FAT3: variants seen among roughly 807,000 people sequenced by gnomAD.
FAT3 encodes FAT atypical cadherin 3.
A neutral mutation model predicts 310.2 loss-of-function variants in FAT3; 95 were observed. The ratio of observed to expected loss-of-function variants is 0.31; its 90% CI spans 0.26 to 0.36. The LOEUF (loss-of-function observed/expected upper bound fraction) is 0.36. Ranked by LOEUF, FAT3 falls within the 10% of genes least tolerant of loss-of-function variation. The pLI, the probability that FAT3 is intolerant of heterozygous loss-of-function variation, is 1.00. For synonymous variants in FAT3, 2,314 were observed against 2,192.9 expected, an observed-to-expected ratio of 1.06 and a Z score of -1.54; for missense variants, 5,408 against 5,715.6, an observed-to-expected ratio of 0.95 and a Z score of 1.74.
At chr11:92,451,819 C>G (rs1017513308) in intron 2 of FAT3, among the ~76,000 whole-genome samples, 1 of 152,038 alleles carries the variant, frequency 6.6e-6, no homozygotes, top group African/African-American at 2.4e-5. Context: ...GCAGTAAAAC[C>G]AATTTTTAGA....
intron 2 of FAT3, among the ~76,000 whole-genome samples, chr11:92,434,731 G>C (rs1950887069): frequency 1.3e-5 from 2 of 152,166 alleles, no homozygotes; most frequent in Admixed American, 1.3e-4. Flanking sequence ...TCACAGAGTT[G>C]TTTGAGGATT....
rs764089667 is a variant in FAT3 at position 92,799,290 on chromosome 11, G to A, written c.6277G>A (p.Val2093Ile). ...VFVGLPYYAAVQVDAEPGTLI... is the reference protein window; with the variant it reads ...VFVGLPYYAAIQVDAEPGTLI... Reference sequence around the variant, plus strand: ...TGTGGGCCTCCCATACTATGCTGCTGTTCAAGTGGATGCGGAACCCGGGAC... The same window carrying A: ...TGTGGGCCTCCCATACTATGCTGCTATTCAAGTGGATGCGGAACCCGGGAC... The change falls in exon 10 of 28, where the codon GTT becomes ATT. Residue 2093 changes from valine to isoleucine, a missense_variant. Transcript: ENST00000525166. 3 of 1,613,942 alleles carry A rather than the reference G, an allele frequency of 1.9e-6. No individual in the cohort carries two copies. In the South Asian group the frequency reaches 3.3e-5, roughly 18 times the overall value.
chr11:92,231,959 T>C (rs1319801435), intron 1 of FAT3, among the ~76,000 whole-genome samples: 3 of 152,208 alleles, frequency 2.0e-5, no homozygotes, highest in Admixed American at 2.0e-4. Flanking sequence ...TTTAAGTCTA[T>C]GTGATCAATA....
chr11:92,856,406 T>G (rs553418083), intron 19 of FAT3, among the ~76,000 whole-genome samples: 35 of 152,336 alleles, frequency 2.3e-4, no homozygotes, highest in African/African-American at 8.4e-4. Flanking sequence ...ACATGTGAAA[T>G]ACTCAGGACC....
chr11:92,229,134 T>C (rs1290440577), intron 1 of FAT3, among the ~76,000 whole-genome samples: 1 of 152,216 alleles, frequency 6.6e-6, no homozygotes, highest in African/African-American at 2.4e-5. Flanking sequence ...TCTACAGATA[T>C]GCATGGTCTT....
At chr11:92,455,085 A>G (rs950046119) in intron 2 of FAT3, among the ~76,000 whole-genome samples, 7 of 152,170 alleles carry the variant, frequency 4.6e-5, no homozygotes, top group Non-Finnish European at 8.8e-5. Context: ...AGATTGAGAA[A>G]TCAGGATAGT....
At chr11:92,677,068 T>G (rs1442468810) in intron 3 of FAT3, among the ~76,000 whole-genome samples, 1 of 152,222 alleles carries the variant, frequency 6.6e-6, no homozygotes, top group Non-Finnish European at 1.5e-5. Flanking sequence ...GTTATTATTA[T>G]CCCTGTTACA....
intron 1 of FAT3, among the ~76,000 whole-genome samples, chr11:92,328,664 C>T (rs937774632): frequency 2.0e-5 from 3 of 152,176 alleles, no homozygotes; most frequent in Admixed American, 6.5e-5. Flanking sequence ...ACGTGACAGC[C>T]GTGTGTATAG....
rs562973858 is a variant in FAT3 at position 92,787,893 on chromosome 11, T to TA, written c.4336-2048dup. The stretch of plus-strand genomic sequence containing the variant: ...GAAAAAGGAGATACCAATGTAAAAA[T>TA]AATGAGATTAAGTAAAAACCTTGAT... On this transcript the variant is annotated intron_variant, in intron 7 of 27. Coordinates refer to ENST00000525166, the MANE Select transcript of FAT3 (RefSeq NM_001367949.2). Among the ~76,000 whole-genome samples the TA allele has an allele frequency of 2.3e-3, 349 of 152,096 alleles. 1 individual carries two copies. The highest frequency in any genetic ancestry group is 8.2e-3 in the African/African-American group (339 of 41,538).
chr11:92,762,312 G>C (rs1056723564), intron 5 of FAT3, 142 bp downstream of exon 5: 1 of 773,712 alleles, frequency 1.3e-6, no homozygotes, highest in Admixed American at 2.9e-5. Flanking sequence ...TGGGAGGCAA[G>C]TGCAGGTGAG....
Position 92,801,472 on chromosome 11 carries a change from A to G in FAT3, c.8459A>G (p.Asp2820Gly). 1 of 1,613,646 alleles carries G rather than the reference A, an allele frequency of 6.2e-7. No individual in the cohort carries two copies. The highest frequency in any genetic ancestry group is 8.5e-7 in the Non-Finnish European group (1 of 1,179,740). The change falls in exon 10 of 28, where the codon GAC (aspartate) becomes GGC (glycine). Residue 2820 changes from aspartate (D) to glycine (G), a missense_variant. Around this residue, in one of 5 missense-constraint regions of FAT3, gnomAD observed 4,588 missense variants for 4,809.8 expected, o/e 0.95. Coordinates refer to ENST00000525166, the MANE Select transcript of FAT3 (RefSeq NM_001367949.2). ...NKPVFETSSY[D>G]TIIMEGMPVG... ...CCAGTCTTTGAAACTTCAAGCTATG[A>G]CACCATTATAATGGAAGGGATGCCT...
intron 4 of FAT3, among the ~76,000 whole-genome samples, chr11:92,760,355 T>G (rs1482558687): frequency 6.6e-6 from 1 of 152,242 alleles, no homozygotes; most frequent in Non-Finnish European, 1.5e-5. Flanking sequence ...TGGCCTTTGT[T>G]TCAGTTATAC....
Position 92,799,185 on chromosome 11 carries a change from C to T in FAT3, c.6172C>T (p.Arg2058Cys), listed in dbSNP as rs761098787. The T allele has an allele frequency of 2.4e-5, 38 of 1,613,908 alleles. No homozygotes were observed. The highest frequency in any genetic ancestry group is 2.0e-4 in the East Asian group (9 of 44,850). The change falls in exon 10 of 28, where the codon CGT (arginine) becomes TGT (cysteine). Residue 2058 changes from arginine (R) to cysteine (C), a missense_variant. Physicochemically the swap from Arg to Cys is radical, Grantham distance 180. Around this residue, in one of 5 missense-constraint regions of FAT3, gnomAD observed 4,588 missense variants for 4,809.8 expected, o/e 0.95. Coordinates refer to ENST00000525166, the MANE Select transcript of FAT3 (RefSeq NM_001367949.2). ...ELYELVVEAS[R>C]ELDHLRVARV... ...ATATGAGCTGGTGGTAGAAGCCAGCCGTGAGCTGGACCATCTGCGTGTGGC... is the reference window on the plus strand; with the variant it reads ...ATATGAGCTGGTGGTAGAAGCCAGCTGTGAGCTGGACCATCTGCGTGTGGC...
chr11:92,371,160 A>G (rs1165792183), intron 2 of FAT3, among the ~76,000 whole-genome samples: 2 of 152,090 alleles, frequency 1.3e-5, no homozygotes, highest in African/African-American at 4.8e-5. Flanking sequence ...GAGTTCACTA[A>G]CTCTCATTGT....
intron 2 of FAT3, among the ~76,000 whole-genome samples, chr11:92,431,053 A>C (rs1487604437): frequency 1.3e-5 from 2 of 152,124 alleles, no homozygotes; most frequent in Non-Finnish European, 2.9e-5. Flanking sequence ...GTCAAATGTT[A>C]TTTCTAGTTC....
chr11:92,227,590 T>G (rs188787656), intron 1 of FAT3, among the ~76,000 whole-genome samples: 5 of 152,166 alleles, frequency 3.3e-5, no homozygotes, highest in African/African-American at 1.2e-4. Context: ...TACTGAATGC[T>G]TGAATGATGT....
chr11:92,417,455 C>A (rs1950440514), intron 2 of FAT3, among the ~76,000 whole-genome samples: 1 of 152,098 alleles, frequency 6.6e-6, no homozygotes, highest in South Asian at 2.1e-4. Context: ...GGTGTATAAA[C>A]CAATAAATAC....
At position 92,798,680 on chromosome 11, in the gene FAT3, G is replaced by A. The variant is rs1275019354; in HGVS notation, c.5667G>A (p.Glu1889=). 1 of 1,613,732 alleles carries A rather than the reference G, an allele frequency of 6.2e-7. No individual in the cohort carries two copies. Among genetic ancestry groups the A allele is most frequent in the East Asian group, 2.2e-5 (1 of 44,812 alleles). The change falls in exon 10 of 28, where the codon GAG becomes GAA. Residue 1889 remains glutamate, a synonymous_variant. Coordinates refer to ENST00000525166, the MANE Select transcript of FAT3 (RefSeq NM_001367949.2). ...NPPVFTQAVF[E]TILLLPTYVG... is the part of the protein sequence containing the mutation. Reference sequence around the variant, plus strand: ...CTGTTTTTACTCAGGCTGTGTTTGAGACTATCTTACTTCTACCTACCTATG... The same window carrying A: ...CTGTTTTTACTCAGGCTGTGTTTGAAACTATCTTACTTCTACCTACCTATG...
chr11:92,642,946 G>T (rs1339918429), intron 3 of FAT3, among the ~76,000 whole-genome samples: 2 of 152,202 alleles, frequency 1.3e-5, no homozygotes, highest in African/African-American at 2.4e-5. Flanking sequence ...CTTTGTCCAT[G>T]CCATCTCATT....
Sources: allele counts gnomAD v4.1 joint callset (sites outside exome capture counted in the v4.1 genomes callset), GRCh38; gene constraint gnomAD v4.1.1; regional missense constraint gnomAD v4.1.1; transcripts MANE v1.5; gene names NCBI Gene and HGNC (gene_info 2026-07-23, HGNC 2026-07-21).